TBC1D32: variants seen among roughly 807,000 people sequenced by gnomAD.
TBC1D32 encodes protein broad-minded.
In TBC1D32, 151 loss-of-function variants were observed where a neutral mutation model predicts 170.3. That is an observed-to-expected ratio of 0.89 (90% CI 0.78 to 1.01). The LOEUF is 1.01. TBC1D32 is among the 50% of genes least tolerant of loss of function. The pLI is 0.00. For synonymous variants in TBC1D32, 498 were observed against 488.0 expected (o/e 1.02, Z -0.27); for missense variants, 1,464 against 1,457.1 (o/e 1.00, Z -0.08).
At chr6:121,184,232 T>A (rs987255771) in intron 22 of TBC1D32, among the ~76,000 whole-genome samples, 1 of 151,998 alleles carries the variant, frequency 6.6e-6, no homozygotes, top group Admixed American at 6.6e-5. Flanking sequence ...GAGGTCATGA[T>A]GAAAAACTAC....
rs1002534994 is a variant in TBC1D32 at position 121,261,040 on chromosome 6, A to G, written c.1734-4755T>C. Among the ~76,000 whole-genome samples the G allele has an allele frequency of 3.9e-5, 6 of 152,234 alleles. No individual in the cohort carries two copies. The East Asian group carries it at 1.2e-3, about 29-fold the overall frequency. On this transcript the variant is annotated intron_variant, in intron 15 of 31. Transcript: ENST00000398212. Reference sequence around the variant, plus strand: ...CAGATCTTGGCCAGATTGCCTCTTCAGAACGGATGCTGACTCAACCCTCCT... The same window carrying G: ...CAGATCTTGGCCAGATTGCCTCTTCGGAACGGATGCTGACTCAACCCTCCT...
chr6:121,252,960 G>A (rs1435233451), intron 17 of TBC1D32, among the ~76,000 whole-genome samples: 1 of 152,094 alleles, frequency 6.6e-6, no homozygotes, highest in East Asian at 1.9e-4. Flanking sequence ...ATCAACACAT[G>A]ATGGATCAAA....
At chr6:121,276,406 A>T (rs956594387) in intron 15 of TBC1D32, among the ~76,000 whole-genome samples, 1 of 152,072 alleles carries the variant, frequency 6.6e-6, no homozygotes, top group African/African-American at 2.4e-5. Context: ...ACTTAATAGC[A>T]ACCATTAAAA....
chr6:121,224,676 C>A (rs890585811), intron 20 of TBC1D32, among the ~76,000 whole-genome samples: 1 of 152,164 alleles, frequency 6.6e-6, no homozygotes, highest in East Asian at 1.9e-4. Flanking sequence ...CACCCTTGTT[C>A]TACATCCTTC....
At chr6:121,279,700 G>C (rs1160558771) in intron 14 of TBC1D32, among the ~76,000 whole-genome samples, 1 of 151,874 alleles carries the variant, frequency 6.6e-6, no homozygotes, top group Non-Finnish European at 1.5e-5. Context: ...TCCAACTAGG[G>C]ATAGCCAATT....
At chr6:121,106,634 A>C (rs928575582) in intron 29 of TBC1D32, among the ~76,000 whole-genome samples, 3 of 152,010 alleles carry the variant, frequency 2.0e-5, no homozygotes, top group Non-Finnish European at 4.4e-5. Flanking sequence ...TGTACCCTTT[A>C]CTATGTTGAT....
chr6:121,239,488 T>C (rs1347298719), intron 19 of TBC1D32, among the ~76,000 whole-genome samples: 1 of 152,146 alleles, frequency 6.6e-6, no homozygotes, highest in African/African-American at 2.4e-5. Context: ...TCTCTGAGCA[T>C]GTTTTCTGAA....
chr6:121,293,510 A>G (rs919814503), intron 11 of TBC1D32, among the ~76,000 whole-genome samples: 1 of 152,230 alleles, frequency 6.6e-6, no homozygotes, highest in African/African-American at 2.4e-5. Flanking sequence ...TTAAGGAAAC[A>G]ATATAAAAAC....
intron 25 of TBC1D32, 139 bp from the exon 26 acceptor site, chr6:121,126,600 A>G (rs1780883690): frequency 3.6e-6 from 2 of 553,756 alleles, no homozygotes; most frequent in African/African-American, 3.8e-5. Context: ...TCAAATGCGT[A>G]CTGTTTTAGT....
rs150038060 is a variant in TBC1D32, at chr6:121,098,192, GAATAATAAT to G, written c.3466-7160_3466-7152del. 1.6e-3 allele frequency among the ~76,000 whole-genome samples: 243 copies of G among 148,892 alleles called. 1 individual carries two copies. The highest frequency in any genetic ancestry group is 5.7e-3 in the African/African-American group (232 of 40,594). On this transcript the variant is annotated intron_variant, in intron 30 of 31. Coordinates refer to ENST00000398212, the MANE Select transcript of TBC1D32 (RefSeq NM_152730.6). Reference sequence around the variant, plus strand: ...CACATGTATCCCAGAACTTAAAGTAGAATAATAATAATAATAATAATAATAATAAAACAT... The same window carrying G: ...CACATGTATCCCAGAACTTAAAGTAGAATAATAATAATAATAATAAAACAT...
intron 30 of TBC1D32, among the ~76,000 whole-genome samples, chr6:121,103,479 C>T (rs1002560932): frequency 6.0e-5 from 9 of 150,244 alleles, no homozygotes; most frequent in African/African-American, 2.0e-4. Context: ...CAAACTATTG[C>T]AAGGACAGAA....
intron 12 of TBC1D32, among the ~76,000 whole-genome samples, chr6:121,289,904 T>A (rs1804552092): frequency 6.6e-6 from 1 of 152,172 alleles, no homozygotes; most frequent in African/African-American, 2.4e-5. Flanking sequence ...GGGGAAACGA[T>A]TCCCTATTCA....
At chr6:121,320,160 T>C (rs1470955087) in intron 2 of TBC1D32, among the ~76,000 whole-genome samples, 1 of 151,056 alleles carries the variant, frequency 6.6e-6, no homozygotes, top group East Asian at 1.9e-4. Context: ...TGTTTACAGA[T>C]GTAGTGTTGC....
chr6:121,190,304 C>G (rs536961942), intron 22 of TBC1D32, among the ~76,000 whole-genome samples: 4 of 147,566 alleles, frequency 2.7e-5, no homozygotes, highest in African/African-American at 1.0e-4. Flanking sequence ...TCCTTTCTTC[C>G]TACTCTCCCA....
chr6:121,246,257 C>G (rs904240804), intron 17 of TBC1D32, among the ~76,000 whole-genome samples: 8 of 152,270 alleles, frequency 5.3e-5, no homozygotes, highest in Admixed American at 3.3e-4. Context: ...CTGGGAAAGA[C>G]AGTGCACAAA....
intron 24 of TBC1D32, among the ~76,000 whole-genome samples, chr6:121,146,313 A>G (rs1783442145): frequency 6.6e-6 from 1 of 152,232 alleles, no homozygotes; most frequent in African/African-American, 2.4e-5. Flanking sequence ...AAAATCTTTC[A>G]GAAGAAACCA....
chr6:121,086,582 A>AT (rs1271447005), intron 31 of TBC1D32, among the ~76,000 whole-genome samples: 1 of 152,068 alleles, frequency 6.6e-6, no homozygotes, highest in African/African-American at 2.4e-5. Flanking sequence ...AATTAATCTG[A>AT]TTTTTTCATA....
intron 21 of TBC1D32, among the ~76,000 whole-genome samples, chr6:121,222,083 G>A (rs1041871876): frequency 6.6e-6 from 1 of 152,130 alleles, no homozygotes; most frequent in East Asian, 1.9e-4. Context: ...AGCTGCCATC[G>A]ACAATGAGGT....
chr6:121,223,528 C>T (rs1794749469), intron 20 of TBC1D32, among the ~76,000 whole-genome samples, 176 bp from the exon 21 acceptor site: 1 of 152,010 alleles, frequency 6.6e-6, no homozygotes, highest in Non-Finnish European at 1.5e-5. Flanking sequence ...ACATGCACAG[C>T]AATAATCTAT....
Sources: gnomAD v4.1 joint callset for allele counts (sites outside exome capture counted in the v4.1 genomes callset) on GRCh38, gnomAD v4.1.1 for gene constraint, MANE v1.5 for transcripts, NCBI Gene and HGNC (gene_info 2026-07-23, HGNC 2026-07-21) for gene names.